Variants in CPNE7 observed in about 807,000 individuals in gnomAD.
CPNE7 encodes copine 7, also known as copine-7.
In CPNE7, 78 loss-of-function variants were observed where a neutral mutation model predicts 66.5. The ratio of observed to expected loss-of-function variants is 1.17; its 90% CI spans 0.98 to 1.42. CPNE7 has a LOEUF of 1.42. CPNE7 is among the 40% of genes most tolerant of loss of function. CPNE7 has a pLI of 0.00. For missense variants in CPNE7, 1,012 were observed against 776.6 expected, an observed-to-expected ratio of 1.30 and a Z score of -3.60; for synonymous variants, 468 against 336.7, an observed-to-expected ratio of 1.39 and a Z score of -4.27.
chr16:89,586,272 G>A (rs2059037090), intron 7 of CPNE7, among the ~76,000 whole-genome samples: 1 of 152,056 alleles, frequency 6.6e-6, no homozygotes, highest in Non-Finnish European at 1.5e-5. Context: ...CCCCCATCAG[G>A]TTCAGCTGGA....
chr16:89,586,914 A>G (rs2059050354), intron 8 of CPNE7, 129 bp from the exon 9 acceptor site: 1 of 1,101,850 alleles, frequency 9.1e-7, no homozygotes, highest in East Asian at 2.6e-5. Flanking sequence ...GGGAGAGAGG[A>G]TGGGGGAGAG....
chr16:89,578,087 T>C (rs1423025711), intron 2 of CPNE7, among the ~76,000 whole-genome samples: 1 of 144,560 alleles, frequency 6.9e-6, no homozygotes, highest in Admixed American at 6.9e-5. Context: ...TTTTTTGAGA[T>C]GTAGTCTCGC....
chr16:89,586,040 G>C (rs1459211962), intron 7 of CPNE7, among the ~76,000 whole-genome samples: 1 of 114,996 alleles, frequency 8.7e-6, no homozygotes, highest in African/African-American at 3.3e-5. Flanking sequence ...GGGGGAGGGG[G>C]CATTCAGGGA....
Position 89,595,665 on chromosome 16 carries a change from C to G in CPNE7, c.1539+62C>G. ...GGGGGTCCCTGTTCATGTCACTGCC[C>G]AAGACCTTCCCAGGCCAGGCTCACG... is the stretch of plus-strand genomic sequence containing the variant. On this transcript the variant is annotated intron_variant, in intron 14 of 14. Transcript: ENST00000319518. 2.1e-6 allele frequency: 3 copies of G among 1,411,164 alleles called. No homozygotes were observed. In the South Asian group the frequency reaches 3.7e-5, roughly 17 times the overall value. 87.4% of individuals were successfully genotyped at this position (1,411,164 alleles called of 1,614,324 possible).
chr16:89,590,450 G>A (rs543729079), intron 11 of CPNE7, among the ~76,000 whole-genome samples: 54 of 152,160 alleles, frequency 3.5e-4, no homozygotes, highest in Middle Eastern at 6.8e-3. Flanking sequence ...GCTTGAACCC[G>A]GGAGGCAGAG....
At chr16:89,588,410 G>A (rs1210638125) in intron 9 of CPNE7, among the ~76,000 whole-genome samples, 1 of 152,194 alleles carries the variant, frequency 6.6e-6, no homozygotes, top group Non-Finnish European at 1.5e-5. Context: ...AAGAAGGATG[G>A]GCGGGGCCCC....
intron 2 of CPNE7, among the ~76,000 whole-genome samples, chr16:89,580,308 C>T (rs1308575072): frequency 6.9e-5 from 9 of 131,176 alleles, no homozygotes; most frequent in African/African-American, 1.6e-4. Context: ...TCCCGTCACC[C>T]GCTGACACAG....
At chr16:89,593,713 G>C (rs1394590675) in intron 13 of CPNE7, among the ~76,000 whole-genome samples, 2 of 152,150 alleles carry the variant, frequency 1.3e-5, no homozygotes, top group Non-Finnish European at 2.9e-5. Flanking sequence ...TATAACCATA[G>C]CACAAATACA....
At position 89,591,118 on chromosome 16, in the gene CPNE7, C is replaced by T. The variant is rs2059161287; in HGVS notation, c.1169-9C>T. The T allele has an allele frequency of 3.7e-6, 6 of 1,612,712 alleles. No individual in the cohort carries two copies. The highest frequency in any genetic ancestry group is 2.7e-5 in the African/African-American group (2 of 75,004). ...CAGGGGGGCCGGGCTCACCCCCTGC[C>T]CCCCACAGGCATCCAGGGCGTGGTG... On this transcript the variant is annotated splice_polypyrimidine_tract_variant and intron_variant, in intron 12 of 14. Coordinates refer to ENST00000319518, the MANE Select transcript of CPNE7 (RefSeq NM_153636.3).
Position 89,586,746 on chromosome 16 carries a change from C to T in CPNE7, c.857C>T (p.Ala286Val). The stretch of plus-strand genomic sequence containing the variant: ...AAGAACTCAGGAGTGGTCGTCCTGG[C>T]TGACCTCAAGGTGAGAGGTGGCTGT... ...SYKNSGVVVL[A>V]DLKFHRVYSF... Residue 286 changes from alanine (A) to valine (V), a missense_variant, in exon 8 of 15, where the codon GCT becomes GTT. Physicochemically the swap from Ala to Val is moderately conservative, Grantham distance 64. Coordinates refer to ENST00000319518, the MANE Select transcript of CPNE7 (RefSeq NM_153636.3). The T allele has an allele frequency of 6.2e-7, 1 of 1,612,696 alleles. No homozygotes were observed. Among genetic ancestry groups the T allele is most frequent in the Non-Finnish European group, 8.5e-7 (1 of 1,179,474 alleles).
At chr16:89,579,225 G>A (rs1237837733) in intron 2 of CPNE7, among the ~76,000 whole-genome samples, 1 of 151,920 alleles carries the variant, frequency 6.6e-6, no homozygotes, top group Non-Finnish European at 1.5e-5. Flanking sequence ...CTGGGAGGCA[G>A]AGGTTTCAGC....
chr16:89,589,867 C>T (rs2059142542), intron 10 of CPNE7, 30 bp from the exon 11 acceptor site: 2 of 1,612,596 alleles, frequency 1.2e-6, no homozygotes, highest in African/African-American at 1.3e-5. Context: ...GAGGTCAGGG[C>T]CTCCTGGTGA....
chr16:89,583,591 G>A lies in CPNE7; in HGVS notation c.358-106G>A, dbSNP rs148302794. The A allele has an allele frequency of 5.7e-4, 921 of 1,604,960 alleles. 6 individuals are homozygous for A. In the African/African-American group the frequency reaches 0.011, roughly 19 times the overall value. On this transcript the variant is annotated intron_variant, in intron 2 of 14. Coordinates refer to ENST00000319518, the MANE Select transcript of CPNE7 (RefSeq NM_153636.3). ...GGCAGTGAAGCTCATGGTGGGGGAT[G>A]GGGAGACAGGACAGGCCTGAGAGTC... is the stretch of plus-strand genomic sequence containing the variant.
In CPNE7 at chr16:89,591,015, T is replaced by G; in HGVS notation, c.1125T>G (p.His375Gln). ...CTCTTGTTCCCACCCAGGTGTCCCA[T>G]GACTTTGCCATCAATTTCAACCCTG... The part of the protein sequence containing the change: ...ARIPPKYEVS[H>Q]DFAINFNPED... The change falls in exon 12 of 15, where the codon CAT becomes CAG. Residue 375 changes from histidine to glutamine, a missense_variant. Physicochemically the swap from His to Gln is conservative, Grantham distance 24. Transcript: ENST00000319518. The G allele has an allele frequency of 6.2e-7, 1 of 1,613,554 alleles. No individual in the cohort carries two copies. The highest frequency in any genetic ancestry group is 8.5e-7 in the Non-Finnish European group (1 of 1,179,824).
intron 2 of CPNE7, chr16:89,578,727 T>G (rs964274930): frequency 6.9e-6 from 9 of 1,299,028 alleles, no homozygotes; most frequent in African/African-American, 1.7e-5. Flanking sequence ...ACCACTGCAC[T>G]CCAGCCTGAG....
chr16:89,579,827 C>G lies in CPNE7; in HGVS notation c.357+2106C>G, dbSNP rs1169774954. Among the ~76,000 whole-genome samples, 2 of 58,032 alleles carry G rather than the reference C, an allele frequency of 3.4e-5. 1 individual carries two copies. Among genetic ancestry groups the G allele is most frequent in the Non-Finnish European group, 9.8e-5 (2 of 20,454 alleles). 38.1% of individuals were successfully genotyped at this position (58,032 alleles called of 152,430 possible). ...ATCTCACCCGTCACACGGAACATCC[C>G]ACACCCATCACACGGAACATCTCAC... is the stretch of plus-strand genomic sequence containing the variant. On this transcript the variant is annotated intron_variant, in intron 2 of 14. Coordinates refer to ENST00000319518, the MANE Select transcript of CPNE7 (RefSeq NM_153636.3).
chr16:89,593,498 G>A (rs1056399364), intron 13 of CPNE7, among the ~76,000 whole-genome samples: 27 of 151,728 alleles, frequency 1.8e-4, no homozygotes, highest in African/African-American at 6.5e-4. Flanking sequence ...GACTACAGGC[G>A]CCCGCCACCA....
intron 1 of CPNE7, among the ~76,000 whole-genome samples, chr16:89,577,221 C>T (rs991674542): frequency 3.9e-5 from 6 of 152,140 alleles, no homozygotes; most frequent in African/African-American, 1.2e-4. Flanking sequence ...TGCTGGGGAG[C>T]GGCCTGCACT....
rs1412664508 is a variant in CPNE7, at chr16:89,592,580, T to C, written c.1302+1320T>C. 2.2e-4 allele frequency among the ~76,000 whole-genome samples: 32 copies of C among 145,358 alleles called. 1 individual carries two copies. Among genetic ancestry groups the C allele is most frequent in the African/African-American group, 7.9e-4 (31 of 39,334 alleles). On this transcript the variant is annotated intron_variant, in intron 13 of 14. Coordinates refer to ENST00000319518, the MANE Select transcript of CPNE7 (RefSeq NM_153636.3). ...GCCTCAGCCTCCCGAGTAGCTGGGA[T>C]TACAGGCTCCCGCCACCACGCCCGG...
Sources: allele counts gnomAD v4.1 joint callset (sites outside exome capture counted in the v4.1 genomes callset), GRCh38; gene constraint gnomAD v4.1.1; transcripts MANE v1.5; gene names NCBI Gene and HGNC (gene_info 2026-07-23, HGNC 2026-07-21).